CSMD1: variants seen among roughly 807,000 people sequenced by gnomAD.
CSMD1 encodes CUB and Sushi multiple domains 1.
In CSMD1, 213 loss-of-function variants were observed where a neutral mutation model predicts 417.5. The observed-to-expected ratio is 0.51, with a 90% CI of 0.46 to 0.57. The LOEUF (loss-of-function observed/expected upper bound fraction) is 0.57, where lower values mean the gene tolerates loss of function less well. CSMD1 is among the 20% of genes least tolerant of loss of function. The probability of loss-of-function intolerance (pLI) is 0.00; values close to 1 mark genes in which losing one functional copy is unlikely to be tolerated. For missense variants in CSMD1, 6,923 were observed against 4,529.7 expected, an observed-to-expected ratio of 1.53 and a Z score of -15.17; for synonymous variants, 2,862 against 1,736.8, an observed-to-expected ratio of 1.65 and a Z score of -16.11.
intron 3 of CSMD1, among the ~76,000 whole-genome samples, chr8:4,094,030 A>T (rs1196073415): frequency 6.6e-6 from 1 of 151,944 alleles, no homozygotes; most frequent in Non-Finnish European, 1.5e-5. Context: ...AAGACAAAGA[A>T]AATCAATAGA....
chr8:4,790,647 C>T (rs1797639362), intron 1 of CSMD1, among the ~76,000 whole-genome samples: 2 of 152,024 alleles, frequency 1.3e-5, no homozygotes, highest in East Asian at 3.9e-4. Context: ...TAGACCAATG[C>T]AACAGGTTAC....
intron 5 of CSMD1, among the ~76,000 whole-genome samples, chr8:3,872,569 G>C (rs1348511730): frequency 6.6e-6 from 1 of 152,206 alleles, no homozygotes; most frequent in South Asian, 2.1e-4. Flanking sequence ...GTCTGTTTCA[G>C]AATTGCTTGA....
chr8:4,853,728 C>A (rs948413643), intron 1 of CSMD1, among the ~76,000 whole-genome samples: 2 of 152,206 alleles, frequency 1.3e-5, no homozygotes, highest in Non-Finnish European at 2.9e-5. Flanking sequence ...CAGCATCATG[C>A]AATCTCGTCA....
rs573147563 is a variant in CSMD1, at chr8:3,673,380, G to T, written c.1009+35034C>A. ...TTCATGATTCAGTATTGGAAAATTA[G>T]CAAGAATATGGAGATGAAAGTATTT... On this transcript the variant is annotated intron_variant, in intron 7 of 69. Transcript: ENST00000635120. Among the ~76,000 whole-genome samples the T allele has an allele frequency of 7.9e-5, 12 of 152,296 alleles. No homozygotes were observed. The South Asian group carries it at 2.1e-3, about 26-fold the overall frequency.
intron 3 of CSMD1, among the ~76,000 whole-genome samples, chr8:4,291,932 GA>G (rs1466074125): frequency 2.6e-5 from 4 of 152,150 alleles, no homozygotes; most frequent in Non-Finnish European, 5.9e-5. Flanking sequence ...TGCCCTATGT[GA>G]AAAAGCAGGC....
rs1327228577 is a variant in CSMD1 at position 3,195,127 on chromosome 8, G to C, written c.5194+4587C>G. Among the ~76,000 whole-genome samples, 5 of 152,198 alleles carry C rather than the reference G, an allele frequency of 3.3e-5. No homozygotes were observed. The South Asian group carries it at 6.2e-4, about 19-fold the overall frequency. ...TATGTTGAAACAAATTACAGAAATA[G>C]GCCTTTTATGAAAACAGCCAGGCAT... is the stretch of plus-strand genomic sequence containing the variant. On this transcript the variant is annotated intron_variant, in intron 33 of 69. Coordinates refer to ENST00000635120, the MANE Select transcript of CSMD1 (RefSeq NM_033225.6).
intron 5 of CSMD1, among the ~76,000 whole-genome samples, chr8:3,757,952 A>G (rs896824774): frequency 6.6e-6 from 1 of 152,120 alleles, no homozygotes; most frequent in South Asian, 2.1e-4. Flanking sequence ...TTTAAAAAAA[A>G]TGCGTAAGTC....
chr8:2,970,689 C>T (rs1473326937), intron 57 of CSMD1, among the ~76,000 whole-genome samples: 1 of 152,166 alleles, frequency 6.6e-6, no homozygotes, highest in African/African-American at 2.4e-5. Context: ...ACTTTGTGAT[C>T]ACTACATAGA....
At chr8:4,200,664 T>C (rs540555539) in intron 3 of CSMD1, among the ~76,000 whole-genome samples, 7 of 152,120 alleles carry the variant, frequency 4.6e-5, no homozygotes, top group Non-Finnish European at 1.0e-4. Flanking sequence ...AAGACCACCC[T>C]GGGCAAGGTA....
rs1281644258 is a variant in CSMD1, at chr8:3,671,470, ATCATATATATAC to A, written c.1009+36932_1009+36943del. On this transcript the variant is annotated intron_variant, in intron 7 of 69. Coordinates refer to ENST00000635120, the MANE Select transcript of CSMD1 (RefSeq NM_033225.6). ...TCATATATATAATCATACACATATA[ATCATATATATAC>A]TCATATATATGATCATATATATATA... Among the ~76,000 whole-genome samples, 6 of 137,730 alleles carry A rather than the reference ATCATATATATAC, an allele frequency of 4.4e-5. 1 individual carries two copies. Among genetic ancestry groups the A allele is most frequent in the East Asian group, 2.1e-4 (1 of 4,744 alleles). 90.4% of individuals were successfully genotyped at this position (137,730 alleles called of 152,430 possible). A position where few individuals can be genotyped will look rare whatever the true frequency, so the allele number is the denominator to read the frequency against.
chr8:3,439,309 A>ATATATATATATATATATTT lies in CSMD1; in HGVS notation c.1561+29402_1561+29403insAAATATATATATATATATA. On this transcript the variant is annotated intron_variant, in intron 12 of 69. Transcript: ENST00000635120. ...TATATATATATATATATATATATAT[A>ATATATATATATATATATTT]TTTTTTTTTTTAATATGTATTTTTA... Among the ~76,000 whole-genome samples, 136 of 62,338 alleles carry ATATATATATATATATATTT rather than the reference A, an allele frequency of 2.2e-3. 1 individual carries two copies. The highest frequency in any genetic ancestry group is 2.8e-3 in the Non-Finnish European group (98 of 34,726). 40.9% of individuals were successfully genotyped at this position (62,338 alleles called of 152,430 possible).
intron 3 of CSMD1, among the ~76,000 whole-genome samples, chr8:4,374,107 C>T (rs563343834): frequency 1.3e-5 from 2 of 152,192 alleles, no homozygotes; most frequent in East Asian, 3.9e-4. Context: ...GCATGGTTTT[C>T]ACACCTGCCA....
chr8:4,770,319 T>C (rs1563340588), intron 1 of CSMD1, among the ~76,000 whole-genome samples: 1 of 148,272 alleles, frequency 6.7e-6, no homozygotes, highest in East Asian at 1.9e-4. Context: ...TTAGCAACTA[T>C]ATATGTACAT....
chr8:3,284,214 G>A lies in CSMD1; in HGVS notation c.4083C>T (p.Phe1361=). 6.2e-7 allele frequency: 1 copy of A among 1,610,904 alleles called. No individual in the cohort carries two copies. The highest frequency in any genetic ancestry group is 8.5e-7 in the Non-Finnish European group (1 of 1,178,582). The change falls in exon 26 of 70, where the codon TTC becomes TTT. Residue 1361 remains phenylalanine (F), a synonymous_variant. Coordinates refer to ENST00000635120, the MANE Select transcript of CSMD1 (RefSeq NM_033225.6). The part of the protein sequence containing the change: ...SALPEDIHST[F]NSLTLQFDSD... ...TGTCGAACTGCAGGGTGAGTGAGTT[G>A]AAGGTGCTGTGGATGTCCTCCGGAA...
intron 10 of CSMD1, among the ~76,000 whole-genome samples, chr8:3,553,999 G>C (rs1048974418): frequency 1.3e-5 from 2 of 152,034 alleles, no homozygotes; most frequent in Admixed American, 6.6e-5. Context: ...GCTTTCTCTA[G>C]GACTGATTTT....
intron 1 of CSMD1, among the ~76,000 whole-genome samples, chr8:4,831,955 TG>T (rs1184156634): frequency 6.6e-6 from 1 of 152,168 alleles, no homozygotes; most frequent in Non-Finnish European, 1.5e-5. Flanking sequence ...AATTTTTGTC[TG>T]GGAGAAAAAG....
rs557803117 is a variant in CSMD1 at position 3,864,470 on chromosome 8, A to G, written c.819-110428T>C. On this transcript the variant is annotated intron_variant, in intron 5 of 69. Coordinates refer to ENST00000635120, the MANE Select transcript of CSMD1 (RefSeq NM_033225.6). ...GGGGTTAAGGAAAAGAGGGAGGAAG[A>G]CACTTTTTTTATTATACTTTAAGTT... Among the ~76,000 whole-genome samples, 8 of 152,276 alleles carry G rather than the reference A, an allele frequency of 5.3e-5. No individual in the cohort carries two copies. In the South Asian group the frequency reaches 1.7e-3, roughly 32 times the overall value.
intron 3 of CSMD1, among the ~76,000 whole-genome samples, chr8:4,367,236 G>C (rs983010954): frequency 6.6e-6 from 1 of 152,086 alleles, no homozygotes; most frequent in African/African-American, 2.4e-5. Context: ...GTGTAAGGAA[G>C]GGGTCCAGTC....
At chr8:4,247,171 T>A (rs944989854) in intron 3 of CSMD1, among the ~76,000 whole-genome samples, 1 of 152,238 alleles carries the variant, frequency 6.6e-6, no homozygotes. Context: ...ATCTTTTTTA[T>A]GCTCTATAAC....
Sources: allele counts gnomAD v4.1 joint callset (sites outside exome capture counted in the v4.1 genomes callset), GRCh38; gene constraint gnomAD v4.1.1; transcripts MANE v1.5; gene names NCBI Gene and HGNC (gene_info 2026-07-23, HGNC 2026-07-21).